The following CCDC69 variants were observed in gnomAD, a reference collection of about 807,000 sequenced individuals.
The protein encoded by CCDC69 is coiled-coil domain-containing protein 69.
A neutral mutation model predicts 40.3 loss-of-function variants in CCDC69; 38 were observed. The ratio of observed to expected loss-of-function variants is 0.94; its 90% CI spans 0.73 to 1.24. CCDC69 has a LOEUF of 1.24. Ranked by LOEUF, CCDC69 falls within the 50% of genes most tolerant of loss-of-function variation. CCDC69 has a pLI of 0.00. For synonymous variants in CCDC69, 141 were observed against 138.9 expected (o/e 1.02, Z -0.11); for missense variants, 389 against 357.9 (o/e 1.09, Z -0.70).
intron 3 of CCDC69, among the ~76,000 whole-genome samples, chr5:151,201,233 G>T (rs773215110): frequency 7.9e-5 from 12 of 152,180 alleles, no homozygotes; most frequent in Non-Finnish European, 1.3e-4. Flanking sequence ...AAGTGACACT[G>T]GTTCTTCTTT....
At chr5:151,191,920 T>A (rs1752617595) in intron 4 of CCDC69, among the ~76,000 whole-genome samples, 1 of 151,340 alleles carries the variant, frequency 6.6e-6, no homozygotes, top group Non-Finnish European at 1.5e-5. Context: ...CTGCCTCTGT[T>A]AAAAATTTAA....
At chr5:151,185,325 C>T (rs1752479572) in intron 7 of CCDC69, 97 bp downstream of exon 7, 4 of 1,384,460 alleles carry the variant, frequency 2.9e-6, no homozygotes, top group Admixed American at 3.7e-5. Context: ...TAGGCTGGGA[C>T]CTCCTCAAAC....
At chr5:151,184,195 T>C (rs908563458) in intron 8 of CCDC69, 149 bp downstream of exon 8, 4 of 631,006 alleles carry the variant, frequency 6.3e-6, no homozygotes, top group East Asian at 2.7e-5. Context: ...TTGGGTTTCT[T>C]GACTCCCAGG....
Position 151,199,095 on chromosome 5 carries a change from A to C in CCDC69, c.232-11T>G. 2 of 1,610,364 alleles carry C rather than the reference A, an allele frequency of 1.2e-6. No individual in the cohort carries two copies. The highest frequency in any genetic ancestry group is 1.7e-6 in the Non-Finnish European group (2 of 1,177,112). On this transcript the variant is annotated splice_polypyrimidine_tract_variant and intron_variant, in intron 3 of 8. Transcript: ENST00000355417. ...CCTTTCCTTCTCCACCTGGGGGCAG[A>C]GAGTCCCGGGCAGGACTGAGATTGA...
chr5:151,188,169 C>A (rs997217688), intron 4 of CCDC69, among the ~76,000 whole-genome samples: 1 of 152,156 alleles, frequency 6.6e-6, no homozygotes, highest in East Asian at 1.9e-4. Context: ...TCATAAAGTT[C>A]CTTTTGGAAA....
At chr5:151,215,489 C>T in intron 1 of CCDC69, 1 of 213,490 alleles carries the variant, frequency 4.7e-6, no homozygotes, top group Non-Finnish European at 1.1e-5. Flanking sequence ...TCCTGTCCGG[C>T]TTGTTTGCTC....
intron 1 of CCDC69, among the ~76,000 whole-genome samples, chr5:151,218,077 G>A (rs75138811): frequency 0.042 from 6,341 of 152,250 alleles, 434 homozygotes; most frequent in African/African-American, 0.15. Context: ...GATGTGGATG[G>A]CTGTTTTAGG....
intron 4 of CCDC69, among the ~76,000 whole-genome samples, chr5:151,190,188 T>C (rs1459658547): frequency 2.0e-5 from 3 of 152,184 alleles, no homozygotes; most frequent in African/African-American, 7.2e-5. Context: ...GTAAATACAA[T>C]AGACTGTTCT....
intron 2 of CCDC69, 70 bp downstream of exon 2, chr5:151,205,330 C>T: frequency 1.7e-6 from 2 of 1,171,446 alleles, no homozygotes; most frequent in Non-Finnish European, 2.6e-6. Context: ...GCAGCTGTAT[C>T]ATCTGTGTTG....
intron 4 of CCDC69, 70 bp from the exon 5 acceptor site, chr5:151,187,529 G>A: frequency 7.7e-7 from 1 of 1,302,102 alleles, no homozygotes; most frequent in Non-Finnish European, 1.1e-6. Context: ...CCCCTTGGTG[G>A]CCAGGAAGGT....
At chr5:151,219,131 G>A (rs530004809) in intron 1 of CCDC69, among the ~76,000 whole-genome samples, 161 of 152,290 alleles carry the variant, frequency 1.1e-3, no homozygotes, top group Middle Eastern at 6.8e-3. Context: ...CTCCATGATG[G>A]TTGGGGCAGG....
At chr5:151,220,589 C>T (rs1753119232) in intron 1 of CCDC69, among the ~76,000 whole-genome samples, 1 of 152,168 alleles carries the variant, frequency 6.6e-6, no homozygotes, top group Non-Finnish European at 1.5e-5. Context: ...TCATGAAGGG[C>T]TGCTGAATGA....
chr5:151,216,405 GATTTTTTTTTTTT>G (rs1490488076), intron 1 of CCDC69, among the ~76,000 whole-genome samples: 1 of 146,854 alleles, frequency 6.8e-6, no homozygotes, highest in African/African-American at 2.6e-5. Flanking sequence ...AAATTATTAG[GATTTTTTTTTTTT>G]TTTTTTTTTT....
chr5:151,211,833 A>G (rs545587001), intron 1 of CCDC69, among the ~76,000 whole-genome samples: 20 of 152,056 alleles, frequency 1.3e-4, no homozygotes, highest in Admixed American at 2.0e-4. Context: ...CGGAATCTCC[A>G]TCTTTAGCAG....
At chr5:151,189,200 C>A (rs535449929) in intron 4 of CCDC69, among the ~76,000 whole-genome samples, 1 of 151,546 alleles carries the variant, frequency 6.6e-6, no homozygotes, top group Admixed American at 6.6e-5. Context: ...TCACTGACGG[C>A]AAGAAGGAAA....
At chr5:151,208,372 T>G (rs1420547205) in intron 1 of CCDC69, among the ~76,000 whole-genome samples, 1 of 152,238 alleles carries the variant, frequency 6.6e-6, no homozygotes, top group African/African-American at 2.4e-5. Context: ...AGCATGCTTC[T>G]CACTGGGGAG....
intron 1 of CCDC69, among the ~76,000 whole-genome samples, chr5:151,214,179 G>A (rs1026792402): frequency 6.6e-6 from 1 of 152,200 alleles, no homozygotes; most frequent in African/African-American, 2.4e-5. Context: ...TAGGGGAGAG[G>A]TGATTCTAAG....
intron 2 of CCDC69, among the ~76,000 whole-genome samples, chr5:151,203,939 A>G (rs1213197400): frequency 1.4e-5 from 2 of 141,502 alleles, no homozygotes; most frequent in African/African-American, 5.2e-5. Flanking sequence ...TAAATAAAAT[A>G]TATATACTAT....
chr5:151,207,700 C>T (rs780907982), intron 1 of CCDC69, among the ~76,000 whole-genome samples: 8 of 152,128 alleles, frequency 5.3e-5, no homozygotes, highest in Admixed American at 3.3e-4. Flanking sequence ...GGAGAACTGA[C>T]GTGCTTACTG....
Sources: allele counts gnomAD v4.1 joint callset (sites outside exome capture counted in the v4.1 genomes callset), GRCh38; gene constraint gnomAD v4.1.1; transcripts MANE v1.5; gene names NCBI Gene and HGNC (gene_info 2026-07-23, HGNC 2026-07-21).